Variants in ZNF737 observed in about 807,000 individuals in gnomAD.
ZNF737 encodes zinc finger protein 737.
Under a neutral mutation model 11.7 loss-of-function variants are expected in ZNF737, and 13 were observed. That is an observed-to-expected ratio of 1.11 (90% CI 0.73 to 1.77). ZNF737 has a LOEUF of 1.77. ZNF737 is among the 40% of genes most tolerant of loss of function. The pLI, the probability that ZNF737 is intolerant of heterozygous loss-of-function variation, is 0.00. For missense variants in ZNF737, 636 were observed against 638.0 expected, an observed-to-expected ratio of 1.00 and a Z score of 0.03; for synonymous variants, 217 against 216.2, an observed-to-expected ratio of 1.00 and a Z score of -0.03.
In ZNF737 at chr19:20,542,276, T is replaced by C; in HGVS notation, c.*2316A>G. 1.3e-6 allele frequency: 1 copy of C among 795,726 alleles called. No individual in the cohort carries two copies. The highest frequency in any genetic ancestry group is 1.5e-6 in the Non-Finnish European group (1 of 657,346). 49.3% of individuals were successfully genotyped at this position (795,726 alleles called of 1,614,324 possible). ...AGAGTTTTGCTCTTGTTGCCCAGACTGGAGTGCAATCGCACAATCTTGCCC... is the reference window on the plus strand; with the variant it reads ...AGAGTTTTGCTCTTGTTGCCCAGACCGGAGTGCAATCGCACAATCTTGCCC... On this transcript the variant is annotated 3_prime_UTR_variant, in exon 4 of 4. Transcript: ENST00000427401.
downstream of ZNF737, among the ~76,000 whole-genome samples, chr19:20,533,752 T>C (rs1341484996): frequency 2.0e-5 from 3 of 150,130 alleles, no homozygotes; most frequent in Non-Finnish European, 4.4e-5. Context: ...ACATTTACCA[T>C]TTTGGGCATA....
intron 3 of ZNF737, among the ~76,000 whole-genome samples, chr19:20,548,506 T>C (rs1599414270): frequency 6.6e-6 from 1 of 152,048 alleles, no homozygotes; most frequent in African/African-American, 2.4e-5. Flanking sequence ...GGAGAGAGGG[T>C]AAAATGAGCA....
At position 20,541,202 on chromosome 19, in the gene ZNF737, A is replaced by C. The variant is rs1347188824; in HGVS notation, c.*3390T>G. On this transcript the variant is annotated 3_prime_UTR_variant, in exon 4 of 4. Transcript: ENST00000427401. ...TAGTTTTGTTAATCACCTAAATAAC[A>C]TAATTTGTTTTGTTGCAGTAATTGC... 1 of 983,222 alleles carries C rather than the reference A, an allele frequency of 1.0e-6. No individual in the cohort carries two copies. Among genetic ancestry groups the C allele is most frequent in the Non-Finnish European group, 1.2e-6 (1 of 828,050 alleles). The allele number at this position is 983,222 out of a possible 1,614,324, so 60.9% of individuals were successfully genotyped here.
chr19:20,532,643 C>G (rs1468653427), downstream of ZNF737, among the ~76,000 whole-genome samples: 1 of 149,612 alleles, frequency 6.7e-6, no homozygotes, highest in Admixed American at 6.7e-5. Context: ...TCTTTAATAA[C>G]CTGGAACCTG....
chr19:20,530,956 G>T (rs868986567), downstream of ZNF737, among the ~76,000 whole-genome samples: 1 of 149,304 alleles, frequency 6.7e-6, no homozygotes, highest in African/African-American at 2.5e-5. Context: ...CTGAGTTAAC[G>T]AGACTCCGTC....
downstream of ZNF737, among the ~76,000 whole-genome samples, chr19:20,536,362 TACA>T (rs1422289486): frequency 3.3e-5 from 5 of 152,228 alleles, no homozygotes; most frequent in African/African-American, 1.2e-4. Context: ...CCTATAGTTG[TACA>T]ACATCAAATG....
At chr19:20,555,231 G>T (rs61684078) in intron 1 of ZNF737, among the ~76,000 whole-genome samples, 8,383 of 149,096 alleles carry the variant, frequency 0.056, 803 homozygotes, top group African/African-American at 0.2. Flanking sequence ...TGCCCAGGCT[G>T]GAGTGCAGTG....
In ZNF737 at chr19:20,537,993, A is replaced by G. The variant is rs1488630214; in HGVS notation, c.*6599T>C. 2.2e-6 allele frequency: 2 copies of G among 923,328 alleles called. No individual in the cohort carries two copies. The highest frequency in any genetic ancestry group is 2.6e-6 in the Non-Finnish European group (2 of 773,466). The allele number at this position is 923,328 out of a possible 1,614,324, so 57.2% of individuals were successfully genotyped here. On this transcript the variant is annotated 3_prime_UTR_variant, in exon 4 of 4. Coordinates refer to ENST00000427401, the MANE Select transcript of ZNF737 (RefSeq NM_001159293.2). ...AGTAAAAGCTTTTCTGAGGCAGAGT[A>G]AGATTTATAACATTTTATTATCATA...
chr19:20,552,403 G>T, intron 3 of ZNF737, 72 bp downstream of exon 3: 1 of 1,073,906 alleles, frequency 9.3e-7, no homozygotes, highest in Non-Finnish European at 1.3e-6. Context: ...ACACTTTAAG[G>T]ACTGGCTTTC....
Position 20,540,939 on chromosome 19 carries a change from C to T in ZNF737, c.*3653G>A, listed in dbSNP as rs566022289. On this transcript the variant is annotated 3_prime_UTR_variant, in exon 4 of 4. Transcript: ENST00000427401. ...ACACATAGAACAATAAAAATATATC[C>T]AATTATTCAATTTTGGTTGAATGTT... is the stretch of plus-strand genomic sequence containing the variant. 1.0e-6 allele frequency: 1 copy of T among 974,252 alleles called. No homozygotes were observed. Among genetic ancestry groups the T allele is most frequent in the Admixed American group, 6.2e-5 (1 of 16,240 alleles). The allele number at this position is 974,252 out of a possible 1,614,324, so 60.4% of individuals were successfully genotyped here.
rs562343157 is a variant in ZNF737 at position 20,538,681 on chromosome 19, T to C, written c.*5911A>G. 1.0e-6 allele frequency: 1 copy of C among 985,416 alleles called. No individual in the cohort carries two copies. Among genetic ancestry groups the C allele is most frequent in the African/African-American group, 1.7e-5 (1 of 57,362 alleles). The allele number at this position is 985,416 out of a possible 1,614,324, so 61.0% of individuals were successfully genotyped here. On this transcript the variant is annotated 3_prime_UTR_variant, in exon 4 of 4. Coordinates refer to ENST00000427401, the MANE Select transcript of ZNF737 (RefSeq NM_001159293.2). The stretch of plus-strand genomic sequence containing the variant: ...CCCTGAGTAATTCAGGGGGAATTGG[T>C]ATCTCTGTAAAGAGACAGTAAGGAA...
rs33965622 is a variant in ZNF737 at position 20,564,938 on chromosome 19, A to ATTT, written c.3+697_3+699dup. Among the ~76,000 whole-genome samples, 1,015 of 141,556 alleles carry ATTT rather than the reference A, an allele frequency of 7.2e-3. 25 individuals are homozygous for ATTT. Among genetic ancestry groups the ATTT allele is most frequent in the African/African-American group, 0.015 (571 of 37,836 alleles). 92.9% of individuals were successfully genotyped at this position (141,556 alleles called of 152,430 possible). On this transcript the variant is annotated intron_variant, in intron 1 of 3. Coordinates refer to ENST00000427401, the MANE Select transcript of ZNF737 (RefSeq NM_001159293.2). ...TTAAACTGTAATTACATAACCAGGA[A>ATTT]TTTTTTTTTTTTTTTTGAGACGGAG...
rs1384385847 is a variant in ZNF737 at position 20,552,474 on chromosome 19, C to A, written c.226+1G>T. ...CTATATTCATTTTCACTTGCACCTA[C>A]CTGAGGGGTTGGCTACCATCTCATG... is the stretch of plus-strand genomic sequence containing the variant. On this transcript the variant is annotated splice_donor_variant, in intron 3 of 3. Transcript: ENST00000427401. LOFTEE classifies it high-confidence loss of function. 1.3e-6 allele frequency: 2 copies of A among 1,581,126 alleles called. No individual in the cohort carries two copies. The highest frequency in any genetic ancestry group is 1.7e-6 in the Non-Finnish European group (2 of 1,167,854).
Position 20,543,856 on chromosome 19 carries a change from C to T in ZNF737, c.*736G>A, listed in dbSNP as rs888527410. 59 of 985,064 alleles carry T rather than the reference C, an allele frequency of 6.0e-5. No homozygotes were observed. The highest frequency in any genetic ancestry group is 8.7e-5 in the African/African-American group (5 of 57,206). 61.0% of individuals were successfully genotyped at this position (985,064 alleles called of 1,614,324 possible). A position where few individuals can be genotyped will look rare whatever the true frequency, so the allele number is the denominator to read the frequency against. ...GAATTGAGAACTTGTGGCTGGGCGT[C>T]GTGGCTCACGCCTGTAATCCCAGCA... On this transcript the variant is annotated 3_prime_UTR_variant, in exon 4 of 4. Coordinates refer to ENST00000427401, the MANE Select transcript of ZNF737 (RefSeq NM_001159293.2).
Position 20,553,812 on chromosome 19 carries a change from C to CA in ZNF737, c.26dup (p.Ala10GlyfsTer21), listed in dbSNP as rs1968785975. 5 of 1,613,770 alleles carry CA rather than the reference C, an allele frequency of 3.1e-6. No individual in the cohort carries two copies. Among genetic ancestry groups the CA allele is most frequent in the Non-Finnish European group, 4.2e-6 (5 of 1,179,902 alleles). The stretch of plus-strand genomic sequence containing the variant: ...ACTCCTCCAGAGAGAATTCTATGGC[C>CA]ACGTCTCTAAATTGCAATGGCCCCT... On this transcript the variant is annotated frameshift_variant, in exon 2 of 4. Transcript: ENST00000427401. LOFTEE classifies it high-confidence loss of function.
At chr19:20,561,330 G>A (rs571068944) in intron 1 of ZNF737, among the ~76,000 whole-genome samples, 1 of 152,156 alleles carries the variant, frequency 6.6e-6, no homozygotes, top group Non-Finnish European at 1.5e-5. Flanking sequence ...GATCAAAAAC[G>A]CCGTGGTGAA....
rs1363837203 is a variant in ZNF737 at position 20,538,721 on chromosome 19, C to T, written c.*5871G>A. 2.0e-6 allele frequency: 2 copies of T among 985,354 alleles called. No individual in the cohort carries two copies. Among genetic ancestry groups the T allele is most frequent in the Non-Finnish European group, 2.4e-6 (2 of 829,904 alleles). The allele number at this position is 985,354 out of a possible 1,614,324, so 61.0% of individuals were successfully genotyped here. A position where few individuals can be genotyped will look rare whatever the true frequency, so the allele number is the denominator to read the frequency against. On this transcript the variant is annotated 3_prime_UTR_variant, in exon 4 of 4. Transcript: ENST00000427401. ...ACAGTAAGGAAATGCTGAGTGGAGG[C>T]ACCACACTGCACATCAATGCTTTCC...
intron 3 of ZNF737, 22 bp from the exon 4 acceptor site, chr19:20,545,998 C>T (rs528270136): frequency 1.3e-6 from 2 of 1,528,404 alleles, no homozygotes; most frequent in Non-Finnish European, 8.7e-7. Flanking sequence ...AATAAAAGCA[C>T]ATTACTTCAA....
chr19:20,547,945 G>T (rs1250059976), intron 3 of ZNF737, among the ~76,000 whole-genome samples: 1 of 149,614 alleles, frequency 6.7e-6, no homozygotes, highest in Non-Finnish European at 1.5e-5. Flanking sequence ...GAGGTCAGGT[G>T]TTTGTGACCA....
Sources: allele counts gnomAD v4.1 joint callset (sites outside exome capture counted in the v4.1 genomes callset), GRCh38; gene constraint gnomAD v4.1.1; transcripts MANE v1.5; gene names NCBI Gene and HGNC (gene_info 2026-07-23, HGNC 2026-07-21).